The following TATDN2 variants were observed in gnomAD, a reference collection of about 807,000 sequenced individuals.
The protein encoded by TATDN2 is TatD DNase domain containing 2.
TATDN2 carries 44 observed loss-of-function variants against 60.3 expected under a neutral mutation model. The ratio of observed to expected loss-of-function variants is 0.73; its 90% CI spans 0.57 to 0.94. The LOEUF is 0.94. Ranked by LOEUF, TATDN2 falls within the 40% of genes least tolerant of loss-of-function variation. TATDN2 has a pLI of 0.00. For synonymous variants in TATDN2, 399 were observed against 355.8 expected, an observed-to-expected ratio of 1.12 and a Z score of -1.37; for missense variants, 997 against 948.0, an observed-to-expected ratio of 1.05 and a Z score of -0.68.
intron 5 of TATDN2, among the ~76,000 whole-genome samples, chr3:10,277,319 T>A (rs1698653764): frequency 1.3e-5 from 2 of 151,946 alleles, no homozygotes; most frequent in South Asian, 4.2e-4. Context: ...GGTCCTGGGC[T>A]TTGGCTTGCC....
At chr3:10,272,047 T>G (rs1373042998) in intron 4 of TATDN2, among the ~76,000 whole-genome samples, 1 of 152,138 alleles carries the variant, frequency 6.6e-6, no homozygotes, top group East Asian at 1.9e-4. Flanking sequence ...ATATTTTTTT[T>G]CCTCCCAATA....
At chr3:10,274,695 A>G (rs1698609868) in intron 4 of TATDN2, among the ~76,000 whole-genome samples, 1 of 152,178 alleles carries the variant, frequency 6.6e-6, no homozygotes, top group South Asian at 2.1e-4. Flanking sequence ...GGCTTTAGAT[A>G]AAGCCTCTGT....
rs1307388224 is a variant in TATDN2 at position 10,281,047 on chromosome 3, G to T, written c.*1865G>T. On this transcript the variant is annotated 3_prime_UTR_variant, in exon 8 of 8. Transcript: ENST00000448281. ...CTAGGATTTAGATTATCATTTATGT[G>T]CTGTTGCACAGTGAAACCTCACCTG... 1 of 152,204 alleles carries T rather than the reference G, an allele frequency of 6.6e-6. No individual in the cohort carries two copies. The highest frequency in any genetic ancestry group is 1.5e-5 in the Non-Finnish European group (1 of 68,052). The allele number at this position is 152,204 out of a possible 1,614,324, so 9.4% of individuals were successfully genotyped here.
chr3:10,260,802 C>G (rs575482075), intron 3 of TATDN2, 132 bp downstream of exon 3: 8 of 1,021,044 alleles, frequency 7.8e-6, no homozygotes, highest in African/African-American at 3.2e-5. Flanking sequence ...AGGGAACAAA[C>G]TGATGGTTTT....
intron 3 of TATDN2, among the ~76,000 whole-genome samples, chr3:10,262,971 G>C (rs76461377): frequency 0.11 from 16,579 of 152,024 alleles, 1,815 homozygotes; most frequent in East Asian, 0.54. Flanking sequence ...CGTGATCTCA[G>C]CTCACTGCAA....
Position 10,272,374 on chromosome 3 carries a change from A to C in TATDN2, c.1833+1359A>C, listed in dbSNP as rs372184630. Among the ~76,000 whole-genome samples, 745 of 152,146 alleles carry C rather than the reference A, an allele frequency of 4.9e-3. 2 individuals carry two copies. Among genetic ancestry groups the C allele is most frequent in the African/African-American group, 0.017 (709 of 41,508 alleles). The stretch of plus-strand genomic sequence containing the variant: ...CTGCTACCTCCACCTCCCCAGTTCA[A>C]GTGATTCTCCTGGCTCAGCCTCCTG... On this transcript the variant is annotated intron_variant, in intron 4 of 7. Coordinates refer to ENST00000448281, the MANE Select transcript of TATDN2 (RefSeq NM_014760.4).
chr3:10,279,079 T>C lies in TATDN2; in HGVS notation c.*38+16T>C, dbSNP rs1698684497. Reference sequence around the variant, plus strand: ...CCTAGAAAAGGTCGTAAAACTCACATTCTGTATTTTTTAAAAACCAGGACA... The same window carrying C: ...CCTAGAAAAGGTCGTAAAACTCACACTCTGTATTTTTTAAAAACCAGGACA... On this transcript the variant is annotated intron_variant, in intron 7 of 7. Transcript: ENST00000448281. 1.9e-6 allele frequency: 3 copies of C among 1,576,906 alleles called. No individual in the cohort carries two copies. Among genetic ancestry groups the C allele is most frequent in the Non-Finnish European group, 2.6e-6 (3 of 1,163,616 alleles).
At position 10,280,139 on chromosome 3, in the gene TATDN2, G is replaced by A. The variant is rs986940656; in HGVS notation, c.*957G>A. On this transcript the variant is annotated 3_prime_UTR_variant, in exon 8 of 8. Coordinates refer to ENST00000448281, the MANE Select transcript of TATDN2 (RefSeq NM_014760.4). ...CCTTTGTGTACCCCGCCCAGGTTGA[G>A]AGGTGAATCAGCGTAATTCTCCGAA... 1 of 153,810 alleles carries A rather than the reference G, an allele frequency of 6.5e-6. No individual in the cohort carries two copies. The highest frequency in any genetic ancestry group is 2.4e-5 in the African/African-American group (1 of 41,456). 9.5% of individuals were successfully genotyped at this position (153,810 alleles called of 1,614,324 possible).
Position 10,260,396 on chromosome 3 carries a change from C to G in TATDN2, c.674C>G (p.Ala225Gly), listed in dbSNP as rs750296145. The stretch of plus-strand genomic sequence containing the variant: ...CATCCCAGCCATGGAGAAGGACCAG[C>G]CAGGAGTGAAGGACCAGCCAAGACT... ...AEHPSHGEGPARSEGPAKTAE... is the reference protein window; with the variant it reads ...AEHPSHGEGPGRSEGPAKTAE... Residue 225 changes from alanine to glycine, a missense_variant, in exon 3 of 8, where the codon GCC becomes GGC. By Grantham distance (60) the Ala-to-Gly change is moderately conservative (BLOSUM62 0). Transcript: ENST00000448281. The G allele has an allele frequency of 6.2e-7, 1 of 1,613,576 alleles. No homozygotes were observed. Among genetic ancestry groups the G allele is most frequent in the Non-Finnish European group, 8.5e-7 (1 of 1,179,914 alleles).
At chr3:10,267,953 A>G (rs1698501683) in intron 3 of TATDN2, among the ~76,000 whole-genome samples, 1 of 152,184 alleles carries the variant, frequency 6.6e-6, no homozygotes, top group South Asian at 2.1e-4. Context: ...GTAATTTTTT[A>G]TTGTCTGGGT....
intron 4 of TATDN2, among the ~76,000 whole-genome samples, chr3:10,271,562 C>T (rs139137653): frequency 0.017 from 2,542 of 152,120 alleles, 64 homozygotes; most frequent in African/African-American, 0.058. Context: ...CCTTGGCCTC[C>T]GAAAGTGCTG....
Position 10,259,194 on chromosome 3 carries a change from G to A in TATDN2, c.415-943G>A, listed in dbSNP as rs144931871. Among the ~76,000 whole-genome samples, 124 of 152,190 alleles carry A rather than the reference G, an allele frequency of 8.1e-4. 2 individuals carry two copies. The highest frequency in any genetic ancestry group is 7.5e-3 in the South Asian group (36 of 4,826). On this transcript the variant is annotated intron_variant, in intron 2 of 7. Coordinates refer to ENST00000448281, the MANE Select transcript of TATDN2 (RefSeq NM_014760.4). ...GTGTGTTTTATAGAGATGGGGTTTC[G>A]CCATGTTGGCCAGGCTTGTCTCGAC...
At chr3:10,262,243 C>G (rs954427395) in intron 3 of TATDN2, among the ~76,000 whole-genome samples, 15 of 152,224 alleles carry the variant, frequency 9.9e-5, no homozygotes, top group African/African-American at 3.6e-4. Context: ...GCAGCTGTCT[C>G]TCTGGAGCCT....
intron 3 of TATDN2, among the ~76,000 whole-genome samples, chr3:10,264,704 A>T: frequency 6.7e-6 from 1 of 149,428 alleles, no homozygotes; most frequent in Non-Finnish European, 1.5e-5. Context: ...TTTGAGATAG[A>T]GTCTCACTCT....
chr3:10,252,384 G>A (rs568363809), intron 2 of TATDN2, among the ~76,000 whole-genome samples: 1 of 152,250 alleles, frequency 6.6e-6, no homozygotes, highest in East Asian at 1.9e-4. Context: ...CTCTTGTCGA[G>A]TGAGGGTTTT....
Position 10,260,134 on chromosome 3 carries a change from C to G in TATDN2, c.415-3C>G, listed in dbSNP as rs1698377706. 6.3e-7 allele frequency: 1 copy of G among 1,588,518 alleles called. No individual in the cohort carries two copies. The highest frequency in any genetic ancestry group is 1.4e-5 in the African/African-American group (1 of 72,930). On this transcript the variant is annotated splice_polypyrimidine_tract_variant and splice_region_variant and intron_variant, in intron 2 of 7. Coordinates refer to ENST00000448281, the MANE Select transcript of TATDN2 (RefSeq NM_014760.4). ...CCTTTCAATTCTGTTTTTTTTTTCCCAGGTTGATTCCAAAGATAGTTCTCA... is the reference window on the plus strand; with the variant it reads ...CCTTTCAATTCTGTTTTTTTTTTCCGAGGTTGATTCCAAAGATAGTTCTCA...
At position 10,270,294 on chromosome 3, in the gene TATDN2, C is replaced by G. The variant is rs1196115301; in HGVS notation, c.1112C>G (p.Pro371Arg). ...SSFTTDYVMY[P>R]PHLYSSPWCD... is the part of the protein sequence containing the mutation. The stretch of plus-strand genomic sequence containing the variant: ...TTCACCACCGACTATGTCATGTACC[C>G]TCCTCATTTGTACAGTAGTCCTTGG... The change falls in exon 4 of 8, where the codon CCT (proline) becomes CGT (arginine). Residue 371 changes from proline (P) to arginine (R), a missense_variant. Coordinates refer to ENST00000448281, the MANE Select transcript of TATDN2 (RefSeq NM_014760.4). The G allele has an allele frequency of 6.2e-7, 1 of 1,614,094 alleles. No homozygotes were observed. The highest frequency in any genetic ancestry group is 8.5e-7 in the Non-Finnish European group (1 of 1,180,046).
At position 10,260,450 on chromosome 3, in the gene TATDN2, T is replaced by A. The variant is rs1698384492; in HGVS notation, c.728T>A (p.Val243Asp). 6.2e-7 allele frequency: 1 copy of A among 1,614,074 alleles called. No homozygotes were observed. The highest frequency in any genetic ancestry group is 1.1e-5 in the South Asian group (1 of 91,078). Residue 243 changes from valine to aspartate, a missense_variant, in exon 3 of 8, where the codon GTC (valine) becomes GAC (aspartate). Val to Asp is a radical substitution (Grantham distance 152). Coordinates refer to ENST00000448281, the MANE Select transcript of TATDN2 (RefSeq NM_014760.4). Reference sequence around the variant, plus strand: ...GAAGGAGCAGCCAGGAGTGTCACAGTCACTGCTGCTCAGAAGGAGAAAGAC... The same window carrying A: ...GAAGGAGCAGCCAGGAGTGTCACAGACACTGCTGCTCAGAAGGAGAAAGAC... ...TAEGAARSVT[V>D]TAAQKEKDAT...
chr3:10,278,362 T>C lies in TATDN2; in HGVS notation c.2045T>C (p.Leu682Pro). 6.2e-7 allele frequency: 1 copy of C among 1,614,202 alleles called. No homozygotes were observed. The highest frequency in any genetic ancestry group is 8.5e-7 in the Non-Finnish European group (1 of 1,180,024). ...PNMSVGFTAV[L>P]TYSSAWEARE... ...ATGTCTGTGGGCTTCACGGCAGTGC[T>C]GACATACTCCTCTGCCTGGGAGGCC... The change falls in exon 6 of 8, where the codon CTG becomes CCG. Residue 682 changes from leucine (L) to proline (P), a missense_variant. By Grantham distance (98) the Leu-to-Pro change is moderately conservative. Transcript: ENST00000448281. This position sits in a 1 kb window ranked among gnomAD's most constrained non-coding sequence, Gnocchi z 4.7.
Sources: allele counts gnomAD v4.1 joint callset (sites outside exome capture counted in the v4.1 genomes callset), GRCh38; gene constraint gnomAD v4.1.1; non-coding constraint Gnocchi (gnomAD v3.1); transcripts MANE v1.5; gene names NCBI Gene and HGNC (gene_info 2026-07-23, HGNC 2026-07-21).